Variants in PCLAF observed in about 807,000 individuals in gnomAD.
PCLAF encodes PCNA-associated factor.
Under a neutral mutation model 15.1 loss-of-function variants are expected in PCLAF, and 12 were observed. That is an observed-to-expected ratio of 0.79 (90% CI 0.51 to 1.29). The LOEUF is 1.29. Among genes scored for constraint, PCLAF ranks in the 50% most tolerant of loss-of-function variants. The pLI is 0.00. For missense variants in PCLAF, 116 were observed against 130.9 expected (o/e 0.89, Z 0.56); for synonymous variants, 33 against 47.1 (o/e 0.70, Z 1.22).
chr15:64,381,052 C>T lies in PCLAF; in HGVS notation c.47-14G>A. On this transcript the variant is annotated splice_polypyrimidine_tract_variant and intron_variant, in intron 1 of 3. Coordinates refer to ENST00000300035, the MANE Select transcript of PCLAF (RefSeq NM_014736.6). ...GAGCAGCCACCACTGTGAAGAGAGG[C>T]AAAAAAGGGTGTTCAGAAGGGGCAG... 6.2e-7 allele frequency: 1 copy of T among 1,608,790 alleles called. No homozygotes were observed. The highest frequency in any genetic ancestry group is 8.5e-7 in the Non-Finnish European group (1 of 1,178,274).
At chr15:64,375,271 C>T (rs898622413) in intron 3 of PCLAF, among the ~76,000 whole-genome samples, 7 of 152,018 alleles carry the variant, frequency 4.6e-5, no homozygotes, top group Non-Finnish European at 1.0e-4. Flanking sequence ...ATTACAGGCA[C>T]GTGCCACCAC....
chr15:64,381,267 C>T (rs1390743482), intron 1 of PCLAF, 59 bp downstream of exon 1: 2 of 1,593,714 alleles, frequency 1.3e-6, no homozygotes, highest in East Asian at 4.5e-5. Flanking sequence ...GTCTGTCGCC[C>T]GTGGCCAGGC....
At chr15:64,376,482 T>C (rs1312096154) in intron 3 of PCLAF, among the ~76,000 whole-genome samples, 1 of 152,150 alleles carries the variant, frequency 6.6e-6, no homozygotes, top group East Asian at 1.9e-4. Flanking sequence ...GCAAGTTTGT[T>C]ATATAGGTAT....
At chr15:64,384,451 A>G (rs1899894372), upstream of PCLAF, among the ~76,000 whole-genome samples, 1 of 151,644 alleles carries the variant, frequency 6.6e-6, no homozygotes, top group Admixed American at 6.6e-5. Context: ...ATTTATACCA[A>G]AGAAAATCTT....
Position 64,374,034 on chromosome 15 carries a change from C to A in PCLAF, c.290+2709G>T, listed in dbSNP as rs377007380. ...TTTTTCTTGATTCTTAAAAGTGATG[C>A]AAATTTTTTGTTAAAAGTTGTTAGC... On this transcript the variant is annotated intron_variant, in intron 3 of 3. Coordinates refer to ENST00000300035, the MANE Select transcript of PCLAF (RefSeq NM_014736.6). 3.3e-5 allele frequency among the ~76,000 whole-genome samples: 5 copies of A among 151,902 alleles called. No homozygotes were observed. In the East Asian group the frequency reaches 5.8e-4, roughly 18 times the overall value.
chr15:64,378,912 G>GA (rs1028747942), intron 2 of PCLAF, among the ~76,000 whole-genome samples: 107 of 137,124 alleles, frequency 7.8e-4, no homozygotes, highest in East Asian at 3.4e-3. Flanking sequence ...CTGTGTCTCA[G>GA]AAAAAAAAAA....
intron 3 of PCLAF, among the ~76,000 whole-genome samples, chr15:64,370,395 T>C (rs1815695349): frequency 6.6e-6 from 1 of 151,490 alleles, no homozygotes; most frequent in Admixed American, 6.6e-5. Context: ...TCAGACGGAT[T>C]ATCGCTCTGT....
chr15:64,378,500 G>A (rs1420973676), intron 2 of PCLAF, among the ~76,000 whole-genome samples: 1 of 152,076 alleles, frequency 6.6e-6, no homozygotes, highest in African/African-American at 2.4e-5. Flanking sequence ...TCAAACTCCT[G>A]GCTGAGGCAA....
At chr15:64,386,111 T>A (rs1294509556), upstream of PCLAF, among the ~76,000 whole-genome samples, 1 of 152,074 alleles carries the variant, frequency 6.6e-6, no homozygotes, top group East Asian at 1.9e-4. Flanking sequence ...AGGGACTGAA[T>A]AAATAAACAG....
At chr15:64,385,431 G>A (rs758911396), upstream of PCLAF, among the ~76,000 whole-genome samples, 10 of 151,944 alleles carry the variant, frequency 6.6e-5, no homozygotes, top group Non-Finnish European at 1.2e-4. Context: ...TTTGAGACCA[G>A]CCTGACCAAC....
chr15:64,371,547 T>G (rs1193793257), intron 3 of PCLAF, among the ~76,000 whole-genome samples: 3 of 152,342 alleles, frequency 2.0e-5, no homozygotes, highest in Non-Finnish European at 2.9e-5. Context: ...AGTACAGGCA[T>G]GAGCCGCCGT....
At position 64,376,322 on chromosome 15, in the gene PCLAF, AG is replaced by A. The variant is rs374555485; in HGVS notation, c.290+420del. ...TTTGCATTTTCTTATGAGCTTGAAG[AG>A]AAACTTGACTCAATATCCTATTTGT... On this transcript the variant is annotated intron_variant, in intron 3 of 3. Coordinates refer to ENST00000300035, the MANE Select transcript of PCLAF (RefSeq NM_014736.6). 3.9e-4 allele frequency among the ~76,000 whole-genome samples: 59 copies of A among 152,256 alleles called. No individual in the cohort carries two copies. In the East Asian group the frequency reaches 7.7e-3, roughly 20 times the overall value.
rs34471598 is a variant in PCLAF, at chr15:64,364,993, A to AT, written c.*1036dup. On this transcript the variant is annotated 3_prime_UTR_variant, in exon 4 of 4. Coordinates refer to ENST00000300035, the MANE Select transcript of PCLAF (RefSeq NM_014736.6). Reference sequence around the variant, plus strand: ...GCCACTGCACTCAGCCTTTTTTAAAATTTTTTTTTTTTTTTTTTTTGAGAC... The same window carrying AT: ...GCCACTGCACTCAGCCTTTTTTAAAATTTTTTTTTTTTTTTTTTTTTGAGAC... The AT allele has an allele frequency of 0.81, 94,850 of 117,278 alleles. 39,026 individuals carry two copies. Among genetic ancestry groups the AT allele is most frequent in the East Asian group, 0.92 (3,813 of 4,148 alleles). The allele number at this position is 117,278 out of a possible 1,614,324, so 7.3% of individuals were successfully genotyped here.
intron 3 of PCLAF, among the ~76,000 whole-genome samples, chr15:64,372,770 A>C (rs1425853404): frequency 6.6e-6 from 1 of 152,172 alleles, no homozygotes; most frequent in Non-Finnish European, 1.5e-5. Context: ...TCAGGAGATC[A>C]AGACCATCCT....
chr15:64,387,619 C>A, exon 1 of PCLAF: 4 of 1,388,328 alleles, frequency 2.9e-6, no homozygotes, highest in Non-Finnish European at 3.7e-6. Flanking sequence ...TCGAGTCCTA[C>A]GTTTAGCGAT....
intron 3 of PCLAF, among the ~76,000 whole-genome samples, chr15:64,371,091 C>T (rs1899292944): frequency 6.6e-6 from 1 of 151,356 alleles, no homozygotes. Flanking sequence ...GCCTCAGCCT[C>T]CCGAGTAGCT....
intron 3 of PCLAF, among the ~76,000 whole-genome samples, chr15:64,372,947 A>T (rs892270352): frequency 1.3e-5 from 2 of 152,218 alleles, no homozygotes. Flanking sequence ...AGCCTGGGCA[A>T]GAGTGAGACT....
At chr15:64,371,153 A>G (rs1419136087) in intron 3 of PCLAF, among the ~76,000 whole-genome samples, 1 of 151,688 alleles carries the variant, frequency 6.6e-6, no homozygotes, top group Non-Finnish European at 1.5e-5. Context: ...TATTTTTAGT[A>G]GAGACAGGGT....
chr15:64,376,881 T>C lies in PCLAF; in HGVS notation c.152A>G (p.Asn51Ser). 6.2e-7 allele frequency: 1 copy of C among 1,613,558 alleles called. No individual in the cohort carries two copies. The change falls in exon 3 of 4, where the codon AAC becomes AGC. Residue 51 changes from asparagine to serine, a missense_variant. By Grantham distance (46) the Asn-to-Ser change is conservative. Coordinates refer to ENST00000300035, the MANE Select transcript of PCLAF (RefSeq NM_014736.6). ...RKAENKYAGG[N>S]PVCVRPTPKW... ...GGGAGTTGGGCGCACGCAAACGGGG[T>C]TCCCTCCTGCATATTTATTTTCAGC...
Sources: allele counts gnomAD v4.1 joint callset (sites outside exome capture counted in the v4.1 genomes callset), GRCh38; gene constraint gnomAD v4.1.1; transcripts MANE v1.5; gene names NCBI Gene and HGNC (gene_info 2026-07-23, HGNC 2026-07-21).